The following ANGPT1 variants were observed in gnomAD, a reference collection of about 807,000 sequenced individuals.
ANGPT1 encodes angiopoietin 1, also known as angiopoietin-1.
ANGPT1 carries 17 observed loss-of-function variants against 62.2 expected under a neutral mutation model. That is an observed-to-expected ratio of 0.27 (90% CI 0.19 to 0.41). The LOEUF (loss-of-function observed/expected upper bound fraction) is 0.41. Ranked by LOEUF, ANGPT1 falls within the 10% of genes least tolerant of loss-of-function variation. The pLI is 1.00. For missense variants in ANGPT1, 478 were observed against 594.9 expected, an observed-to-expected ratio of 0.80 and a Z score of 2.04; for synonymous variants, 199 against 198.9, an observed-to-expected ratio of 1.00 and a Z score of 0.00.
chr8:107,476,587 T>TA (rs1812537440), intron 1 of ANGPT1, among the ~76,000 whole-genome samples: 1 of 151,702 alleles, frequency 6.6e-6, no homozygotes, highest in Non-Finnish European at 1.5e-5. Context: ...TAAAGTATAA[T>TA]AATAAATAAA....
intron 1 of ANGPT1, among the ~76,000 whole-genome samples, chr8:107,354,281 T>C (rs1450365411): frequency 2.0e-5 from 3 of 152,184 alleles, no homozygotes; most frequent in African/African-American, 4.8e-5. Context: ...CACGTCTGCT[T>C]AATTTTTTCC....
At chr8:107,258,537 G>A (rs1034263972) in intron 8 of ANGPT1, among the ~76,000 whole-genome samples, 48 of 152,180 alleles carry the variant, frequency 3.2e-4, no homozygotes, top group African/African-American at 9.4e-4. Context: ...AGCCTTGCAC[G>A]AGAGGACTAT....
chr8:107,429,072 C>T (rs374460293), intron 1 of ANGPT1, among the ~76,000 whole-genome samples: 23 of 152,054 alleles, frequency 1.5e-4, no homozygotes, highest in Non-Finnish European at 2.9e-4. Flanking sequence ...AACAAACAAG[C>T]GACAATCAAT....
chr8:107,383,503 C>G (rs1586276595), intron 1 of ANGPT1, among the ~76,000 whole-genome samples: 1 of 152,124 alleles, frequency 6.6e-6, no homozygotes, highest in South Asian at 2.1e-4. Flanking sequence ...TTTGTGGCAG[C>G]AAGTCATACT....
chr8:107,384,928 G>A (rs1223429097), intron 1 of ANGPT1, among the ~76,000 whole-genome samples: 1 of 152,118 alleles, frequency 6.6e-6, no homozygotes, highest in African/African-American at 2.4e-5. Flanking sequence ...TCAGATGGTT[G>A]TAGGTGTGTG....
chr8:107,406,517 T>C (rs181256577), intron 1 of ANGPT1, among the ~76,000 whole-genome samples: 3 of 152,178 alleles, frequency 2.0e-5, no homozygotes, highest in Non-Finnish European at 2.9e-5. Flanking sequence ...TATATAAAAT[T>C]CCCTTTTGAG....
chr8:107,300,386 T>C (rs976238970), intron 5 of ANGPT1, among the ~76,000 whole-genome samples: 1 of 151,522 alleles, frequency 6.6e-6, no homozygotes, highest in African/African-American at 2.4e-5. Context: ...GAAATACCCA[T>C]CTTTATTATA....
At chr8:107,350,225 T>A (rs919490450) in intron 1 of ANGPT1, among the ~76,000 whole-genome samples, 1 of 152,204 alleles carries the variant, frequency 6.6e-6, no homozygotes, top group Admixed American at 6.5e-5. Flanking sequence ...AACCATCAAA[T>A]TTACTTTGAA....
intron 4 of ANGPT1, among the ~76,000 whole-genome samples, chr8:107,320,494 A>C (rs1815125653): frequency 6.6e-6 from 1 of 152,188 alleles, no homozygotes; most frequent in South Asian, 2.1e-4. Context: ...GAATAGATAT[A>C]ACTTGTATTA....
chr8:107,303,226 A>T lies in ANGPT1; in HGVS notation c.936+14T>A, dbSNP rs1267282209. 6.2e-7 allele frequency: 1 copy of T among 1,608,080 alleles called. No individual in the cohort carries two copies. The highest frequency in any genetic ancestry group is 1.7e-5 in the Admixed American group (1 of 59,428). ...TCTGGCTTACATCTTGTAAACAAAC[A>T]CTTCTGGTTTTACCTTTTTGGGTTC... On this transcript the variant is annotated intron_variant, in intron 5 of 8. Transcript: ENST00000517746.
chr8:107,396,919 G>A (rs1028177733), intron 1 of ANGPT1, among the ~76,000 whole-genome samples: 20 of 151,932 alleles, frequency 1.3e-4, no homozygotes, highest in African/African-American at 4.6e-4. Context: ...GCTGTTGACC[G>A]GCACTTCAGC....
chr8:107,351,124 C>G (rs1815922794), intron 1 of ANGPT1, among the ~76,000 whole-genome samples: 2 of 152,044 alleles, frequency 1.3e-5, no homozygotes, highest in African/African-American at 4.8e-5. Context: ...GTCTCTCAAC[C>G]TGAATAATAA....
chr8:107,430,558 A>T (rs1811157950), intron 1 of ANGPT1, among the ~76,000 whole-genome samples: 1 of 152,214 alleles, frequency 6.6e-6, no homozygotes, highest in Non-Finnish European at 1.5e-5. Flanking sequence ...TGACTATGTT[A>T]CCTTACATGG....
intron 1 of ANGPT1, among the ~76,000 whole-genome samples, chr8:107,400,716 C>T (rs1817030148): frequency 2.0e-5 from 3 of 152,022 alleles, no homozygotes. Flanking sequence ...CCTGCCACTA[C>T]ACCTGGCTAA....
At chr8:107,486,831 G>A (rs1288922079) in intron 1 of ANGPT1, among the ~76,000 whole-genome samples, 1 of 152,174 alleles carries the variant, frequency 6.6e-6, no homozygotes, top group Non-Finnish European at 1.5e-5. Context: ...CACAAACAAT[G>A]TCCTTGCTTT....
chr8:107,371,573 CTTTTTTTTTTTTTTT>C (rs5893851), intron 1 of ANGPT1, among the ~76,000 whole-genome samples: 2 of 102,146 alleles, frequency 2.0e-5, no homozygotes, highest in African/African-American at 7.3e-5. Flanking sequence ...GCTGAGCATT[CTTTTTTTTTTTTTTT>C]TTTTTTTGGA....
At chr8:107,414,419 T>C (rs1245429740) in intron 1 of ANGPT1, among the ~76,000 whole-genome samples, 1 of 152,218 alleles carries the variant, frequency 6.6e-6, no homozygotes, top group Non-Finnish European at 1.5e-5. Flanking sequence ...GATGTACACA[T>C]GTACAGAAAC....
chr8:107,383,497 T>C (rs1158307606), intron 1 of ANGPT1, among the ~76,000 whole-genome samples: 2 of 152,198 alleles, frequency 1.3e-5, no homozygotes, highest in Non-Finnish European at 1.5e-5. Flanking sequence ...GTAACATTTG[T>C]GGCAGCAAGT....
At chr8:107,377,571 G>A (rs935440650) in intron 1 of ANGPT1, among the ~76,000 whole-genome samples, 24 of 152,190 alleles carry the variant, frequency 1.6e-4, no homozygotes, top group Non-Finnish European at 3.2e-4. Context: ...GTATTTTGAT[G>A]TTTGGAGAAG....
Sources: gnomAD v4.1 joint callset for allele counts (sites outside exome capture counted in the v4.1 genomes callset) on GRCh38, gnomAD v4.1.1 for gene constraint, MANE v1.5 for transcripts, NCBI Gene and HGNC (gene_info 2026-07-23, HGNC 2026-07-21) for gene names.